Variants in PARP3 observed in about 807,000 individuals in gnomAD.
PARP3 encodes the protein protein mono-ADP-ribosyltransferase PARP3.
A neutral mutation model predicts 58.2 loss-of-function variants in PARP3; 46 were observed. The observed-to-expected ratio is 0.79, with a 90% CI of 0.62 to 1.01. PARP3 has a LOEUF of 1.01. Among genes scored for constraint, PARP3 ranks in the 50% least tolerant of loss-of-function variants. PARP3 has a pLI of 0.00. For missense variants in PARP3, 663 were observed against 683.9 expected (o/e 0.97, Z 0.34); for synonymous variants, 252 against 266.4 (o/e 0.95, Z 0.53).
In PARP3 at chr3:51,945,162, C is replaced by A; in HGVS notation, c.799C>A (p.His267Asn). The change falls in exon 6 of 11, where the codon CAC becomes AAC. Residue 267 changes from histidine to asparagine, a missense_variant. This residue lies in a region of PARP3 where 567 missense variants were observed against 553.6 expected (regional missense o/e 1.02). Coordinates refer to ENST00000398755, the MANE Select transcript of PARP3 (RefSeq NM_001003931.4). The part of the protein sequence containing the change: ...FYTVIPHNFG[H>N]SQPPPINSPE... ...CACCGTCATCCCGCACAACTTCGGC[C>A]ACAGCCAGCCCCCGCCCATCAATTC... 6.2e-7 allele frequency: 1 copy of A among 1,614,080 alleles called. No homozygotes were observed. The highest frequency in any genetic ancestry group is 8.5e-7 in the Non-Finnish European group (1 of 1,180,052).
chr3:51,943,016 T>G, intron 1 of PARP3: 1 of 1,396,750 alleles, frequency 7.2e-7, no homozygotes, highest in Admixed American at 3.2e-5. Flanking sequence ...GAGAGCCTCC[T>G]TTCACTTTCC....
intron 10 of PARP3, 106 bp downstream of exon 10, chr3:51,948,001 C>A: frequency 8.9e-7 from 1 of 1,124,570 alleles, no homozygotes; most frequent in South Asian, 1.4e-5. Flanking sequence ...AGAAGCTTCC[C>A]TGTCGTCACT....
chr3:51,945,429 G>A, intron 6 of PARP3, 66 bp from the exon 7 acceptor site: 1 of 1,559,510 alleles, frequency 6.4e-7, no homozygotes. Flanking sequence ...TACCAGTCAT[G>A]TGAGAGAGGA....
intron 9 of PARP3, among the ~76,000 whole-genome samples, chr3:51,947,087 G>C (rs1377548437): frequency 6.6e-6 from 1 of 152,224 alleles, no homozygotes; most frequent in Non-Finnish European, 1.5e-5. Flanking sequence ...AAGTGCAGGG[G>C]AGGGAGCCCA....
chr3:51,944,216 T>C lies in PARP3; in HGVS notation c.311T>C (p.Val104Ala), dbSNP rs556624982. ...ACCTGCTGGAACCGCTGGGGCCGTG[T>C]GGTGAGTGCCCTGCCTGCTCTGCAC... ...FFTCWNRWGR[V>A]GEVGQSKINH... The change falls in exon 3 of 11, where the codon GTG (valine) becomes GCG (alanine). Residue 104 changes from valine (V) to alanine (A), a missense_variant and splice_region_variant. By Grantham distance (64) the Val-to-Ala change is moderately conservative. Coordinates refer to ENST00000398755, the MANE Select transcript of PARP3 (RefSeq NM_001003931.4). This position sits in a 1 kb window ranked among gnomAD's most constrained non-coding sequence, Gnocchi z 4.2. 2 of 1,613,988 alleles carry C rather than the reference T, an allele frequency of 1.2e-6. No homozygotes were observed. The highest frequency in any genetic ancestry group is 4.5e-5 in the East Asian group (2 of 44,866).
In PARP3 at chr3:51,944,688, G is replaced by A; in HGVS notation, c.502-90G>A. On this transcript the variant is annotated intron_variant, in intron 4 of 10. Coordinates refer to ENST00000398755, the MANE Select transcript of PARP3 (RefSeq NM_001003931.4). The surrounding 1 kb of genome is among the most constrained non-coding windows in gnomAD (Gnocchi z 4.2). ...GCCCAGCTGCGCAGCCTCAGCCACAGAACTCCCCTCTGGCCTCAGGCTGGC... is the reference window on the plus strand; with the variant it reads ...GCCCAGCTGCGCAGCCTCAGCCACAAAACTCCCCTCTGGCCTCAGGCTGGC... 6.4e-7 allele frequency: 1 copy of A among 1,574,026 alleles called. No homozygotes were observed. The highest frequency in any genetic ancestry group is 8.6e-7 in the Non-Finnish European group (1 of 1,157,122).
rs1699645438 is a variant in PARP3 at position 51,945,172 on chromosome 3, C to G, written c.809C>G (p.Pro270Arg). Residue 270 changes from proline (P) to arginine (R), a missense_variant, in exon 6 of 11, where the codon CCC (proline) becomes CGC (arginine). Physicochemically the swap from Pro to Arg is moderately radical, Grantham distance 103. Around this residue, in one of 3 missense-constraint regions of PARP3, gnomAD observed 567 missense variants for 553.6 expected, o/e 1.02. Coordinates refer to ENST00000398755, the MANE Select transcript of PARP3 (RefSeq NM_001003931.4). ...CCGCACAACTTCGGCCACAGCCAGC[C>G]CCCGCCCATCAATTCCCCTGAGCTT... ...VIPHNFGHSQPPPINSPELLQ... is the reference protein window; with the variant it reads ...VIPHNFGHSQRPPINSPELLQ... The G allele has an allele frequency of 1.2e-6, 2 of 1,613,926 alleles. No homozygotes were observed. Among genetic ancestry groups the G allele is most frequent in the Non-Finnish European group, 1.7e-6 (2 of 1,180,054 alleles).
Position 51,944,183 on chromosome 3 carries a change from GCTT to G in PARP3, c.283_285del (p.Phe95del), listed in dbSNP as rs139491332. The G allele has an allele frequency of 4.1e-4, 667 of 1,613,928 alleles. 4 individuals carry two copies. The African/African-American group carries it at 7.2e-3, about 17-fold the overall frequency. The stretch of plus-strand genomic sequence containing the variant: ...ATCCAGCTGCTCCAAGACAGCAACC[GCTT>G]CTTCACCTGCTGGAACCGCTGGGGC... On this transcript the variant is annotated inframe_deletion, in exon 3 of 11. Coordinates refer to ENST00000398755, the MANE Select transcript of PARP3 (RefSeq NM_001003931.4). This position sits in a 1 kb window ranked among gnomAD's most constrained non-coding sequence, Gnocchi z 4.2.
Position 51,942,451 on chromosome 3 carries a change from C to G in PARP3, c.-260C>G. The G allele has an allele frequency of 1.6e-6, 1 of 618,916 alleles. No homozygotes were observed. Among genetic ancestry groups the G allele is most frequent in the Non-Finnish European group, 2.9e-6 (1 of 339,946 alleles). 38.3% of individuals were successfully genotyped at this position (618,916 alleles called of 1,614,324 possible). A position where few individuals can be genotyped will look rare whatever the true frequency, so the allele number is the denominator to read the frequency against. The stretch of plus-strand genomic sequence containing the variant: ...TGCCCCGGCCTTGGATATGCCAGAT[C>G]GAGTGTCCACCCGTCCGTGGGACTG... On this transcript the variant is annotated 5_prime_UTR_variant, in exon 1 of 11. It adds an upstream start codon to the 5' untranslated region. Coordinates refer to ENST00000398755, the MANE Select transcript of PARP3 (RefSeq NM_001003931.4).
rs190482675 is a variant in PARP3 at position 51,948,300 on chromosome 3, G to C, written c.1433-11G>C. ...CCCCTGGGCCACCCTGGCCCTTGCTGTGCCCTGCAGATCCGACCCAGGACA... is the reference window on the plus strand; with the variant it reads ...CCCCTGGGCCACCCTGGCCCTTGCTCTGCCCTGCAGATCCGACCCAGGACA... On this transcript the variant is annotated splice_polypyrimidine_tract_variant and intron_variant, in intron 10 of 10. Transcript: ENST00000398755. 1.2e-6 allele frequency: 2 copies of C among 1,611,506 alleles called. No individual in the cohort carries two copies. Among genetic ancestry groups the C allele is most frequent in the Non-Finnish European group, 1.7e-6 (2 of 1,178,606 alleles).
chr3:51,943,509 T>C lies in PARP3; in HGVS notation c.154T>C (p.Cys52Arg), dbSNP rs1472816252. 6.2e-7 allele frequency: 1 copy of C among 1,611,104 alleles called. No homozygotes were observed. Among genetic ancestry groups the C allele is most frequent in the Non-Finnish European group, 8.5e-7 (1 of 1,179,072 alleles). ...GCGCATAATCCGCGTGGATCCAACA[T>C]GTCCACTCAGCAGCAACCCCGGGAC... ...EKRIIRVDPT[C>R]PLSSNPGTQV... Residue 52 changes from cysteine (C) to arginine (R), a missense_variant, in exon 2 of 11, where the codon TGT (cysteine) becomes CGT (arginine). Around this residue, in one of 3 missense-constraint regions of PARP3, gnomAD observed 567 missense variants for 553.6 expected, o/e 1.02. Coordinates refer to ENST00000398755, the MANE Select transcript of PARP3 (RefSeq NM_001003931.4).
chr3:51,945,171 C>T lies in PARP3; in HGVS notation c.808C>T (p.Pro270Ser), dbSNP rs759376439. The T allele has an allele frequency of 6.2e-7, 1 of 1,614,056 alleles. No individual in the cohort carries two copies. Residue 270 changes from proline (P) to serine (S), a missense_variant, in exon 6 of 11, where the codon CCC becomes TCC. This residue lies in a region of PARP3 where 567 missense variants were observed against 553.6 expected (regional missense o/e 1.02). Transcript: ENST00000398755. ...VIPHNFGHSQ[P>S]PPINSPELLQ... ...CCCGCACAACTTCGGCCACAGCCAG[C>T]CCCCGCCCATCAATTCCCCTGAGCT... is the stretch of plus-strand genomic sequence containing the variant.
At chr3:51,947,530 CAG>C in intron 9 of PARP3, 3 of 593,076 alleles carry the variant, frequency 5.1e-6, no homozygotes, top group Non-Finnish European at 9.0e-6. Flanking sequence ...TTGGTGAGGA[CAG>C]CAGAGGGTAC....
intron 1 of PARP3, chr3:51,942,998 G>A: frequency 7.1e-7 from 1 of 1,401,282 alleles, no homozygotes; most frequent in East Asian, 2.7e-5. Flanking sequence ...GCCCCGAAGT[G>A]GAAGAGAGAG....
chr3:51,948,829 C>A lies in PARP3; in HGVS notation c.*349C>A. On this transcript the variant is annotated 3_prime_UTR_variant, in exon 11 of 11. Transcript: ENST00000398755. ...TCAGCATAATGTGCACCGGGTTCAC[C>A]CATGTTTTCATAAATGACAAGATTT... The A allele has an allele frequency of 3.5e-6, 1 of 285,194 alleles. No homozygotes were observed. The highest frequency in any genetic ancestry group is 6.6e-6 in the Non-Finnish European group (1 of 152,040). 17.7% of individuals were successfully genotyped at this position (285,194 alleles called of 1,614,324 possible).
rs775174691 is a variant in PARP3, at chr3:51,944,367, C to A, written c.313-23C>A. The A allele has an allele frequency of 6.2e-7, 1 of 1,612,540 alleles. No homozygotes were observed. The highest frequency in any genetic ancestry group is 2.2e-5 in the East Asian group (1 of 44,886). ...CCAGCAAATGCTGATGGTGGGCATA[C>A]CCCTGAAGGCTGTCGGTTGCAGGGA... On this transcript the variant is annotated intron_variant, in intron 3 of 10. Transcript: ENST00000398755. The surrounding 1 kb of genome is among the most constrained non-coding windows in gnomAD (Gnocchi z 4.2).
At position 51,944,768 on chromosome 3, in the gene PARP3, C is replaced by G; in HGVS notation, c.502-10C>G. 1.2e-6 allele frequency: 2 copies of G among 1,604,338 alleles called. No individual in the cohort carries two copies. Among genetic ancestry groups the G allele is most frequent in the Non-Finnish European group, 1.7e-6 (2 of 1,175,454 alleles). On this transcript the variant is annotated splice_polypyrimidine_tract_variant and intron_variant, in intron 4 of 10. Transcript: ENST00000398755. The surrounding 1 kb of genome is among the most constrained non-coding windows in gnomAD (Gnocchi z 4.2). ...CGCTGCTCCTGCCCACATGTGCCCT[C>G]TATCTTCAGGTGGACAGAGGCCCAG...
rs551651595 is a variant in PARP3, at chr3:51,946,446, C to A, written c.1276+103C>A. ...TTCATGGTGAATCCAAGAGAGGAAT[C>A]CTTTAATGGTTAATGACTACAGTGC... On this transcript the variant is annotated intron_variant, in intron 9 of 10. Coordinates refer to ENST00000398755, the MANE Select transcript of PARP3 (RefSeq NM_001003931.4). The surrounding 1 kb of genome is among the most constrained non-coding windows in gnomAD (Gnocchi z 4.6). The A allele has an allele frequency of 3.1e-6, 3 of 955,748 alleles. No homozygotes were observed. The highest frequency in any genetic ancestry group is 1.7e-5 in the South Asian group (1 of 58,820). 59.2% of individuals were successfully genotyped at this position (955,748 alleles called of 1,614,324 possible). A position where few individuals can be genotyped will look rare whatever the true frequency, so the allele number is the denominator to read the frequency against.
intron 1 of PARP3, 98 bp from the exon 2 acceptor site, chr3:51,943,256 G>C: frequency 7.9e-7 from 1 of 1,273,786 alleles, no homozygotes; most frequent in Non-Finnish European, 1.1e-6. Flanking sequence ...GGGCAAGTTG[G>C]TGCTGTGCTG....
Sources: allele counts gnomAD v4.1 joint callset (sites outside exome capture counted in the v4.1 genomes callset), GRCh38; gene constraint gnomAD v4.1.1; regional missense constraint gnomAD v4.1.1; non-coding constraint Gnocchi (gnomAD v3.1); transcripts MANE v1.5; gene names NCBI Gene and HGNC (gene_info 2026-07-23, HGNC 2026-07-21).